Variants in NAA15 observed in about 807,000 individuals in gnomAD.
NAA15 encodes N-alpha-acetyltransferase 15, NatA auxiliary subunit, also known as N-terminal acetyltransferase.
In NAA15, 34 loss-of-function variants were observed where a neutral mutation model predicts 114.0. The ratio of observed to expected loss-of-function variants is 0.30; its 90% confidence interval spans 0.23 to 0.40. NAA15 has a LOEUF of 0.40. Ranked by LOEUF, NAA15 falls within the 10% of genes least tolerant of loss-of-function variation. The pLI, the probability that NAA15 is intolerant of heterozygous loss-of-function variation, is 1.00. For synonymous variants in NAA15, 340 were observed against 338.0 expected, an observed-to-expected ratio of 1.01 and a Z score of -0.06; for missense variants, 658 against 1,004.5, an observed-to-expected ratio of 0.66 and a Z score of 4.66.
chr4:139,304,768 A>G (rs568966161), intron 1 of NAA15, among the ~76,000 whole-genome samples: 45 of 152,290 alleles, frequency 3.0e-4, no homozygotes, highest in African/African-American at 1.1e-3. Context: ...CAATTAGGCT[A>G]CAGAACAAGT....
At chr4:139,369,559 G>A (rs1426636066) in intron 14 of NAA15, among the ~76,000 whole-genome samples, 6 of 151,966 alleles carry the variant, frequency 3.9e-5, no homozygotes, top group African/African-American at 1.4e-4. Flanking sequence ...CCAACATGGT[G>A]AAACCCCGTC....
chr4:139,353,984 G>A (rs766448554), intron 9 of NAA15, 42 bp from the exon 10 acceptor site: 2 of 1,480,926 alleles, frequency 1.4e-6, no homozygotes, highest in Non-Finnish European at 1.9e-6. Flanking sequence ...TAGTAAATGT[G>A]TGTTTTTTCT....
intron 14 of NAA15, among the ~76,000 whole-genome samples, chr4:139,367,278 G>A (rs1208957148): frequency 1.3e-5 from 2 of 152,122 alleles, no homozygotes; most frequent in Non-Finnish European, 1.5e-5. Context: ...ACCCAAGACT[G>A]GAATAATTTT....
chr4:139,318,328 C>T (rs557624680), intron 1 of NAA15: 13 of 151,958 alleles, frequency 8.6e-5, no homozygotes, highest in African/African-American at 2.7e-4. Flanking sequence ...AATTCCATTT[C>T]GGTTCCCCCG....
In NAA15 at chr4:139,360,565, C is replaced by G; in HGVS notation, c.1476C>G (p.Ala492=). ...MQCMWFQTEC[A]QAYKAMNKFG... ...GCATGTGGTTCCAAACAGAATGTGC[C>G]CAGGCTTATAAAGCAATGAATAAAT... Residue 492 remains alanine (A), a synonymous_variant, in exon 13 of 20, where the codon GCC becomes GCG. Transcript: ENST00000296543. 6.2e-7 allele frequency: 1 copy of G among 1,609,314 alleles called. No homozygotes were observed. Among genetic ancestry groups the G allele is most frequent in the Non-Finnish European group, 8.5e-7 (1 of 1,177,646 alleles).
chr4:139,332,519 A>G (rs996981734), intron 1 of NAA15, among the ~76,000 whole-genome samples: 1 of 151,048 alleles, frequency 6.6e-6, no homozygotes, highest in Non-Finnish European at 1.5e-5. Context: ...GCTTTTTGCA[A>G]AGCTTTAAAA....
In NAA15 at chr4:139,364,997, A is replaced by G. The variant is rs549696569; in HGVS notation, c.1753+3060A>G. Among the ~76,000 whole-genome samples, 5 of 152,204 alleles carry G rather than the reference A, an allele frequency of 3.3e-5. No homozygotes were observed. The East Asian group carries it at 9.6e-4, about 29-fold the overall frequency. ...AAGTGTATTTGCTGCCTTTTTTTCTATAGAGGTAGTACTAATAATGCTTCA... is the reference window on the plus strand; with the variant it reads ...AAGTGTATTTGCTGCCTTTTTTTCTGTAGAGGTAGTACTAATAATGCTTCA... On this transcript the variant is annotated intron_variant, in intron 14 of 19. Coordinates refer to ENST00000296543, the MANE Select transcript of NAA15 (RefSeq NM_057175.5).
chr4:139,334,350 G>A, intron 2 of NAA15, 92 bp downstream of exon 2: 1 of 746,946 alleles, frequency 1.3e-6, no homozygotes, highest in Non-Finnish European at 2.1e-6. Flanking sequence ...GTTTTCCAGA[G>A]AGAACAGACC....
At chr4:139,341,680 A>C (rs995229069) in intron 4 of NAA15, among the ~76,000 whole-genome samples, 7 of 150,930 alleles carry the variant, frequency 4.6e-5, no homozygotes, top group Non-Finnish European at 8.8e-5. Flanking sequence ...TAACTCTAAC[A>C]TTTACTTCCC....
At chr4:139,368,194 G>A (rs1264004378) in intron 14 of NAA15, among the ~76,000 whole-genome samples, 7 of 152,174 alleles carry the variant, frequency 4.6e-5, no homozygotes, top group South Asian at 2.1e-4. Flanking sequence ...AATAGCAACC[G>A]TTTATTATCT....
At chr4:139,364,261 A>G (rs1339089839) in intron 14 of NAA15, among the ~76,000 whole-genome samples, 2 of 152,078 alleles carry the variant, frequency 1.3e-5, no homozygotes, top group Non-Finnish European at 2.9e-5. Context: ...CTTTCATTAT[A>G]TACAAGTTTT....
intron 14 of NAA15, among the ~76,000 whole-genome samples, chr4:139,366,067 C>T (rs1032282478): frequency 6.6e-6 from 1 of 150,838 alleles, no homozygotes; most frequent in East Asian, 1.9e-4. Flanking sequence ...AGATTCTTCA[C>T]TAGGAGAAAG....
intron 16 of NAA15, among the ~76,000 whole-genome samples, chr4:139,376,753 TAAAA>T (rs1233398682): frequency 1.5e-4 from 23 of 152,256 alleles, no homozygotes; most frequent in Non-Finnish European, 3.2e-4. Flanking sequence ...ATCATGTGGA[TAAAA>T]TTAGTTAATA....
intron 1 of NAA15, among the ~76,000 whole-genome samples, chr4:139,303,030 A>G (rs1407527566): frequency 6.6e-6 from 1 of 152,254 alleles, no homozygotes; most frequent in Non-Finnish European, 1.5e-5. Flanking sequence ...TGAAAAGTAG[A>G]ACAACTCTGG....
chr4:139,385,810 C>G (rs1748896044), intron 18 of NAA15, among the ~76,000 whole-genome samples: 1 of 152,184 alleles, frequency 6.6e-6, no homozygotes, highest in Non-Finnish European at 1.5e-5. Context: ...CTATCATGGT[C>G]CTACCACAAA....
Position 139,351,216 on chromosome 4 carries a change from T to A in NAA15, c.837T>A (p.Ile279=). The A allele has an allele frequency of 6.2e-7, 1 of 1,600,936 alleles. No individual in the cohort carries two copies. The highest frequency in any genetic ancestry group is 8.5e-7 in the Non-Finnish European group (1 of 1,173,028). ...CTAATATGTTAGAACGGCTAAAAAT[T>A]TATGAGGAAGCCTGGACTAAATATC... The part of the protein sequence containing the change: ...KPANMLERLK[I]YEEAWTKYPR... The change falls in exon 8 of 20, where the codon ATT becomes ATA. Residue 279 remains isoleucine (I), a synonymous_variant. Coordinates refer to ENST00000296543, the MANE Select transcript of NAA15 (RefSeq NM_057175.5).
chr4:139,362,291 A>C (rs1432154883), intron 14 of NAA15, among the ~76,000 whole-genome samples: 1 of 152,038 alleles, frequency 6.6e-6, no homozygotes, highest in Non-Finnish European at 1.5e-5. Flanking sequence ...ATTACTAGTT[A>C]TTTTTTTGAG....
At chr4:139,344,445 A>G (rs1747514953) in intron 6 of NAA15, 106 bp downstream of exon 6, 1 of 855,358 alleles carries the variant, frequency 1.2e-6, no homozygotes, top group Non-Finnish European at 1.8e-6. Flanking sequence ...CTTTTTGATG[A>G]TAGGAAATCT....
chr4:139,367,392 G>A (rs541668956), intron 14 of NAA15, among the ~76,000 whole-genome samples: 62 of 152,202 alleles, frequency 4.1e-4, no homozygotes, highest in African/African-American at 1.3e-3. Context: ...TAGTTTTTCA[G>A]TATTCTGACC....
Sources: gnomAD v4.1 joint callset for allele counts (sites outside exome capture counted in the v4.1 genomes callset) on GRCh38, gnomAD v4.1.1 for gene constraint, MANE v1.5 for transcripts, NCBI Gene and HGNC (gene_info 2026-07-23, HGNC 2026-07-21) for gene names.